The following USP34 variants were observed in gnomAD, a reference collection of about 807,000 sequenced individuals.
USP34 encodes the protein ubiquitin specific peptidase 34, also known as ubiquitin carboxyl-terminal hydrolase 34.
In USP34, 70 loss-of-function variants were observed where a neutral mutation model predicts 460.3. That is an observed-to-expected ratio of 0.15 (90% CI 0.13 to 0.19). The LOEUF is 0.19. Ranked by LOEUF, USP34 falls within the 10% of genes least tolerant of loss-of-function variation. USP34 has a pLI of 1.00. For synonymous variants in USP34, 1,647 were observed against 1,405.3 expected (o/e 1.17, Z -3.85); for missense variants, 3,985 against 4,236.2 (o/e 0.94, Z 1.65).
intron 1 of USP34, among the ~76,000 whole-genome samples, chr2:61,442,032 G>A (rs1694980901): frequency 6.6e-6 from 1 of 152,066 alleles, no homozygotes; most frequent in Non-Finnish European, 1.5e-5. Flanking sequence ...GGAAAGGACA[G>A]TCTCTCCAAT....
At chr2:61,287,817 T>C (rs73936111) in intron 34 of USP34, among the ~76,000 whole-genome samples, 4,422 of 152,284 alleles carry the variant, frequency 0.029, 221 homozygotes, top group African/African-American at 0.1. Flanking sequence ...AAAAGTTATA[T>C]ACAGATTTTT....
intron 1 of USP34, among the ~76,000 whole-genome samples, chr2:61,464,006 G>A (rs950772437): frequency 1.3e-5 from 2 of 152,114 alleles, no homozygotes; most frequent in African/African-American, 2.4e-5. Context: ...AGCATGCAAA[G>A]CATGTAAAGT....
chr2:61,442,481 A>G (rs988309052), intron 1 of USP34, among the ~76,000 whole-genome samples: 5 of 152,130 alleles, frequency 3.3e-5, no homozygotes, highest in Admixed American at 6.6e-5. Flanking sequence ...AAGATTATAT[A>G]CAAATGGCCA....
In USP34 at chr2:61,317,242, T is replaced by C. The variant is rs570759737; in HGVS notation, c.3282+412A>G. On this transcript the variant is annotated intron_variant, in intron 23 of 79. Coordinates refer to ENST00000398571, the MANE Select transcript of USP34 (RefSeq NM_014709.4). ...AAACTTTTGAAACCAGAGAACAGAA[T>C]TGGGCTGAGCACGTTGGCTCATGCC... Among the ~76,000 whole-genome samples, 16 of 152,188 alleles carry C rather than the reference T, an allele frequency of 1.1e-4. No individual in the cohort carries two copies. In the South Asian group the frequency reaches 2.3e-3, roughly 22 times the overall value.
Position 61,223,149 on chromosome 2 carries a change from A to T in USP34, c.7660T>A (p.Phe2554Ile). The change falls in exon 64 of 80, where the codon TTT (phenylalanine) becomes ATT (isoleucine). Residue 2554 changes from phenylalanine to isoleucine, a missense_variant. By Grantham distance (21) the Phe-to-Ile change is conservative. Coordinates refer to ENST00000398571, the MANE Select transcript of USP34 (RefSeq NM_014709.4). ...LTGGKGFPFL[F>I]QHIRDGINIR... Reference sequence around the variant, plus strand: ...TTGATGCCATCACGAATATGTTGAAACAAGAAGGGAAATCCCTGTCAAAAG... The same window carrying T: ...TTGATGCCATCACGAATATGTTGAATCAAGAAGGGAAATCCCTGTCAAAAG... The T allele has an allele frequency of 1.2e-6, 2 of 1,613,896 alleles. No homozygotes were observed. Among genetic ancestry groups the T allele is most frequent in the Non-Finnish European group, 1.7e-6 (2 of 1,179,858 alleles).
intron 1 of USP34, among the ~76,000 whole-genome samples, chr2:61,458,691 T>C (rs12467441): frequency 0.11 from 14,283 of 130,288 alleles, 879 homozygotes; most frequent in Non-Finnish European, 0.15. Flanking sequence ...ATGCAGAGCC[T>C]TCACAAGTCA....
At chr2:61,285,494 A>C (rs1372502655) in intron 34 of USP34, among the ~76,000 whole-genome samples, 1 of 151,434 alleles carries the variant, frequency 6.6e-6, no homozygotes. Flanking sequence ...CTCAAAAAAA[A>C]AAAAAAAAAA....
At chr2:61,216,761 T>G (rs1687408815) in intron 67 of USP34, among the ~76,000 whole-genome samples, 1 of 151,200 alleles carries the variant, frequency 6.6e-6, no homozygotes, top group Admixed American at 6.6e-5. Context: ...CTACTAAGAA[T>G]ACAAAAATTA....
Position 61,343,861 on chromosome 2 carries a change from T to C in USP34, c.2454A>G (p.Gln818=). 6.2e-7 allele frequency: 1 copy of C among 1,614,010 alleles called. No individual in the cohort carries two copies. The highest frequency in any genetic ancestry group is 8.5e-7 in the Non-Finnish European group (1 of 1,179,924). The part of the protein sequence containing the change: ...SHAELTSHLQ[Q]HLPNLASIYH... ...AAATGGAAGCTAAATTGGGAAGATG[T>C]TGTTGGAGGTGAGATGTCAGTTCCG... The change falls in exon 16 of 80, where the codon CAA becomes CAG. Residue 818 remains glutamine (Q), a synonymous_variant. Coordinates refer to ENST00000398571, the MANE Select transcript of USP34 (RefSeq NM_014709.4).
intron 1 of USP34, among the ~76,000 whole-genome samples, chr2:61,430,446 G>T (rs1694636937): frequency 1.3e-5 from 2 of 152,062 alleles, no homozygotes; most frequent in Non-Finnish European, 2.9e-5. Flanking sequence ...AAGCTTAGGT[G>T]ACAAAGCACA....
At chr2:61,333,823 G>T in intron 19 of USP34, 59 bp downstream of exon 19, 1 of 1,195,580 alleles carries the variant, frequency 8.4e-7, no homozygotes. Flanking sequence ...AAAACCTTTA[G>T]ATAACTATAA....
Position 61,370,426 on chromosome 2 carries a change from A to T in USP34, c.1159-13T>A, listed in dbSNP as rs765262612. 6.2e-7 allele frequency: 1 copy of T among 1,613,618 alleles called. No homozygotes were observed. The highest frequency in any genetic ancestry group is 8.5e-7 in the Non-Finnish European group (1 of 1,179,848). On this transcript the variant is annotated splice_polypyrimidine_tract_variant and intron_variant, in intron 9 of 79. Transcript: ENST00000398571. ...ACTGTTTGATAATCTGGAAAAGAAA[A>T]ACTTAATATCAATTTTTAAAAATAT...
chr2:61,205,020 A>AT (rs1558465078), intron 72 of USP34, among the ~76,000 whole-genome samples: 1 of 151,364 alleles, frequency 6.6e-6, no homozygotes, highest in African/African-American at 2.4e-5. Context: ...ACACCCAGCT[A>AT]TTTTTTTTGT....
chr2:61,442,795 C>T (rs1025136461), intron 1 of USP34, among the ~76,000 whole-genome samples: 3 of 152,052 alleles, frequency 2.0e-5, no homozygotes, highest in African/African-American at 4.8e-5. Context: ...GTATCAGAGA[C>T]GTCTGCATTC....
chr2:61,375,662 G>A (rs1378603264), intron 8 of USP34, among the ~76,000 whole-genome samples: 8 of 151,136 alleles, frequency 5.3e-5, no homozygotes, highest in Admixed American at 1.3e-4. Context: ...CCAGCTACTC[G>A]GGAGGCTGAA....
intron 23 of USP34, among the ~76,000 whole-genome samples, chr2:61,317,377 A>T (rs892142914): frequency 6.6e-6 from 1 of 152,152 alleles, no homozygotes; most frequent in East Asian, 1.9e-4. Flanking sequence ...AAATACAAAA[A>T]TTAGCCAGGC....
intron 37 of USP34, among the ~76,000 whole-genome samples, chr2:61,281,703 T>C (rs1026708934): frequency 8.5e-5 from 13 of 152,260 alleles, no homozygotes; most frequent in Admixed American, 7.8e-4. Flanking sequence ...TACCATAATA[T>C]ATAAATACAG....
chr2:61,452,761 A>G (rs1695322342), intron 1 of USP34, among the ~76,000 whole-genome samples: 1 of 151,794 alleles, frequency 6.6e-6, no homozygotes, highest in Non-Finnish European at 1.5e-5. Flanking sequence ...TGGGCTTGCC[A>G]GCACACACCT....
chr2:61,454,685 G>C lies in USP34; in HGVS notation c.43+15965C>G, dbSNP rs186544258. Among the ~76,000 whole-genome samples the C allele has an allele frequency of 2.8e-3, 418 of 151,842 alleles. 1 individual carries two copies. The highest frequency in any genetic ancestry group is 9.4e-3 in the African/African-American group (389 of 41,418). Reference sequence around the variant, plus strand: ...CTGCCTCAGCCTCCCGAGTAGCCAAGATTACAGGGGCCCACCACCACACCC... The same window carrying C: ...CTGCCTCAGCCTCCCGAGTAGCCAACATTACAGGGGCCCACCACCACACCC... On this transcript the variant is annotated intron_variant, in intron 1 of 79. Transcript: ENST00000398571.
Sources: gnomAD v4.1 joint callset for allele counts (sites outside exome capture counted in the v4.1 genomes callset) on GRCh38, gnomAD v4.1.1 for gene constraint, MANE v1.5 for transcripts, NCBI Gene and HGNC (gene_info 2026-07-23, HGNC 2026-07-21) for gene names.